Variants in SGCD observed in about 807,000 individuals in gnomAD.
The protein encoded by SGCD is delta-sarcoglycan.
A neutral mutation model predicts 36.6 loss-of-function variants in SGCD; 18 were observed. The ratio of observed to expected loss-of-function variants is 0.49; its 90% CI spans 0.34 to 0.73. SGCD has a LOEUF of 0.73. Ranked by LOEUF, SGCD falls within the 30% of genes least tolerant of loss-of-function variation. The pLI is 0.01. For missense variants in SGCD, 387 were observed against 346.7 expected, an observed-to-expected ratio of 1.12 and a Z score of -0.92; for synonymous variants, 133 against 130.6, an observed-to-expected ratio of 1.02 and a Z score of -0.12.
At chr5:156,624,499 C>G (rs551638668) in intron 6 of SGCD, among the ~76,000 whole-genome samples, 1 of 151,984 alleles carries the variant, frequency 6.6e-6, no homozygotes, top group African/African-American at 2.4e-5. Flanking sequence ...GAGAATGGTG[C>G]GAACCCAGGA....
rs763067309 is a variant in SGCD at position 155,975,609 on chromosome 5, CTTTTTTTTTTTTTTTTTTTTT to C, written c.-282+105202_-282+105222del. Reference sequence around the variant, plus strand: ...TGTGTTATTTATTTTTCTTTCTTTCCTTTTTTTTTTTTTTTTTTTTTTTTTTTTTTTTTTTTTGAGACGGAG... The same window carrying C: ...TGTGTTATTTATTTTTCTTTCTTTCCTTTTTTTTTTTTTTTTGAGACGGAG... On this transcript the variant is annotated intron_variant, in intron 1 of 9. Transcript: ENST00000517913. Among the ~76,000 whole-genome samples the C allele has an allele frequency of 8.4e-3, 236 of 28,040 alleles. 2 individuals carry two copies. Among genetic ancestry groups the C allele is most frequent in the African/African-American group, 0.029 (218 of 7,634 alleles). 18.4% of individuals were successfully genotyped at this position (28,040 alleles called of 152,430 possible). A position where few individuals can be genotyped will look rare whatever the true frequency, so the allele number is the denominator to read the frequency against.
chr5:156,267,243 TC>T (rs1205474297), intron 3 of SGCD, among the ~76,000 whole-genome samples: 1 of 152,190 alleles, frequency 6.6e-6, no homozygotes, highest in African/African-American at 2.4e-5. Context: ...TCTTAAGTCT[TC>T]CTGTTGTTGA....
rs148740340 is a variant in SGCD, at chr5:156,506,179, G to A, written c.193-2422G>A. Among the ~76,000 whole-genome samples, 451 of 152,190 alleles carry A rather than the reference G, an allele frequency of 3.0e-3. 2 individuals carry two copies. Among genetic ancestry groups the A allele is most frequent in the African/African-American group, 0.01 (424 of 41,522 alleles). On this transcript the variant is annotated intron_variant, in intron 3 of 8. Transcript: ENST00000337851. ...GACATTGGTGTTCTGAAACTATTCT[G>A]TGTGTGTTGTGAGTTAAATGAATAA...
chr5:156,432,899 T>C (rs1255331880), intron 3 of SGCD, among the ~76,000 whole-genome samples: 1 of 152,140 alleles, frequency 6.6e-6, no homozygotes, highest in East Asian at 1.9e-4. Context: ...CTTGCAGAGA[T>C]AACAAGCAGG....
intron 3 of SGCD, among the ~76,000 whole-genome samples, chr5:156,369,127 A>C (rs1292763213): frequency 6.6e-6 from 1 of 152,210 alleles, no homozygotes; most frequent in African/African-American, 2.4e-5. Context: ...GCTTAATAGA[A>C]AAGGTAACAT....
intron 1 of SGCD, among the ~76,000 whole-genome samples, chr5:155,873,740 G>A (rs914001422): frequency 2.0e-5 from 3 of 151,950 alleles, no homozygotes; most frequent in East Asian, 1.9e-4. Flanking sequence ...TTCAGTAAGA[G>A]GATATCTCTC....
chr5:156,280,373 G>A (rs1247764185), intron 3 of SGCD, among the ~76,000 whole-genome samples: 1 of 152,136 alleles, frequency 6.6e-6, no homozygotes, highest in Non-Finnish European at 1.5e-5. Flanking sequence ...CAATGAGAAT[G>A]GAAACTTTTA....
Position 156,125,839 on chromosome 5 carries a change from TTTATTATTATTATTA to T in SGCD, c.-44+1859_-44+1873del, listed in dbSNP as rs144493356. On this transcript the variant is annotated intron_variant, in intron 3 of 9. Transcript: ENST00000517913. ...ACAGTTACTTCTTCCCACTCATTCT[TTTATTATTATTATTA>T]TTATTATTATTATTATTATTATTAT... Among the ~76,000 whole-genome samples the T allele has an allele frequency of 2.9e-3, 380 of 131,486 alleles. 3 individuals carry two copies. The highest frequency in any genetic ancestry group is 7.1e-3 in the African/African-American group (250 of 34,996). 86.3% of individuals were successfully genotyped at this position (131,486 alleles called of 152,430 possible). A position where few individuals can be genotyped will look rare whatever the true frequency, so the allele number is the denominator to read the frequency against.
chr5:156,688,271 T>C (rs1310613493), intron 7 of SGCD, among the ~76,000 whole-genome samples: 1 of 152,198 alleles, frequency 6.6e-6, no homozygotes, highest in Non-Finnish European at 1.5e-5. Flanking sequence ...CTATAAATAT[T>C]TGGAATTTAA....
At chr5:156,523,959 G>A (rs1237690459) in intron 4 of SGCD, among the ~76,000 whole-genome samples, 1 of 149,900 alleles carries the variant, frequency 6.7e-6, no homozygotes, top group Non-Finnish European at 1.5e-5. Context: ...CATATATTAG[G>A]TCCTTGAGAA....
intron 1 of SGCD, among the ~76,000 whole-genome samples, chr5:156,032,778 T>C (rs1581052734): frequency 8.3e-6 from 1 of 120,176 alleles, no homozygotes; most frequent in African/African-American, 3.2e-5. Flanking sequence ...AGGCAGAAGC[T>C]CAAATTTGGG....
chr5:156,648,290 T>G (rs1763309217), intron 7 of SGCD, among the ~76,000 whole-genome samples: 1 of 152,076 alleles, frequency 6.6e-6, no homozygotes, highest in African/African-American at 2.4e-5. Flanking sequence ...CTGGTAGTTC[T>G]TTTACCTAAA....
At chr5:156,750,978 C>T (rs1757129861) in intron 7 of SGCD, among the ~76,000 whole-genome samples, 1 of 152,124 alleles carries the variant, frequency 6.6e-6, no homozygotes, top group Non-Finnish European at 1.5e-5. Flanking sequence ...ATTTGAATCC[C>T]ATCCAAATTC....
chr5:156,247,153 A>G (rs1765459027), intron 3 of SGCD, among the ~76,000 whole-genome samples: 1 of 152,312 alleles, frequency 6.6e-6, no homozygotes, highest in East Asian at 1.9e-4. Flanking sequence ...AGAGAATCAC[A>G]TTAGCCCTTT....
chr5:156,650,101 A>T (rs143135023), intron 7 of SGCD, among the ~76,000 whole-genome samples: 2 of 152,126 alleles, frequency 1.3e-5, no homozygotes, highest in African/African-American at 4.8e-5. Flanking sequence ...CCTGAAGAAC[A>T]TGGAGCAGAG....
intron 3 of SGCD, among the ~76,000 whole-genome samples, chr5:156,150,623 G>A (rs1762810692): frequency 6.6e-6 from 1 of 151,644 alleles, no homozygotes; most frequent in Non-Finnish European, 1.5e-5. Flanking sequence ...TGTGATAAGC[G>A]TGGAATGTTG....
chr5:155,903,923 C>A (rs1020745635), intron 1 of SGCD, among the ~76,000 whole-genome samples: 1 of 152,138 alleles, frequency 6.6e-6, no homozygotes, highest in Non-Finnish European at 1.5e-5. Context: ...CTCAGCAGGG[C>A]TTTAGAGCTT....
At chr5:156,197,780 T>C (rs1323096145) in intron 3 of SGCD, among the ~76,000 whole-genome samples, 1 of 152,176 alleles carries the variant, frequency 6.6e-6, no homozygotes, top group Non-Finnish European at 1.5e-5. Context: ...TCCTATTTAT[T>C]ACCTTTTCCT....
At chr5:156,187,415 G>A (rs1233107448) in intron 3 of SGCD, among the ~76,000 whole-genome samples, 3 of 152,018 alleles carry the variant, frequency 2.0e-5, no homozygotes, top group African/African-American at 7.2e-5. Flanking sequence ...GGATGTGCAG[G>A]AAAACAGTTT....
Sources: allele counts gnomAD v4.1 joint callset (sites outside exome capture counted in the v4.1 genomes callset), GRCh38; gene constraint gnomAD v4.1.1; transcripts MANE v1.5; gene names NCBI Gene and HGNC (gene_info 2026-07-23, HGNC 2026-07-21).